OPRM1: variants seen among roughly 807,000 people sequenced by gnomAD.
OPRM1 encodes the protein mu-type opioid receptor.
In OPRM1, 27 loss-of-function variants were observed where a neutral mutation model predicts 31.8. That is an observed-to-expected ratio of 0.85 (90% CI 0.63 to 1.17). OPRM1 has a LOEUF of 1.17. Among genes scored for constraint, OPRM1 ranks in the 50% most tolerant of loss-of-function variants. The pLI is 0.00. For missense variants in OPRM1, 536 were observed against 511.1 expected (o/e 1.05, Z -0.47); for synonymous variants, 196 against 189.9 (o/e 1.03, Z -0.26).
In OPRM1 at chr6:154,091,250, G is replaced by A. The variant is rs1799975; in HGVS notation, c.942G>A (p.Thr314=). The A allele has an allele frequency of 1.8e-3, 2,909 of 1,614,130 alleles. 46 individuals carry two copies. The African/African-American group carries it at 0.032, about 18-fold the overall frequency. The change falls in exon 3 of 4, where the codon ACG becomes ACA. Residue 314 remains threonine, a synonymous_variant. Coordinates refer to ENST00000330432, the MANE Select transcript of OPRM1 (RefSeq NM_000914.5). ...CCTTGGTTACAATCCCAGAAACTAC[G>A]TTCCAGACTGTTTCTTGGCACTTCT... ...IKALVTIPET[T]FQTVSWHFCI... is the part of the protein sequence containing the mutation.
Position 154,118,818 on chromosome 6 carries a change from T to C in OPRM1, c.*97T>C, listed in dbSNP as rs1469241321. On this transcript the variant is annotated 3_prime_UTR_variant, in exon 4 of 4. Transcript: ENST00000330432. ...GAATGTGTAGGAGGCTCTAATTCTC[T>C]AGGAAAGTGCCTGCTTTTAGGTCAT... is the stretch of plus-strand genomic sequence containing the variant. 4 of 1,559,738 alleles carry C rather than the reference T, an allele frequency of 2.6e-6. No homozygotes were observed. Among genetic ancestry groups the C allele is most frequent in the Non-Finnish European group, 3.5e-6 (4 of 1,158,518 alleles).
intron 3 of OPRM1, among the ~76,000 whole-genome samples, chr6:154,191,899 T>C (rs1303049935): frequency 6.6e-6 from 1 of 152,134 alleles, no homozygotes; most frequent in Non-Finnish European, 1.5e-5. Context: ...AAAAGTGCTC[T>C]ACAAAGTTAA....
intron 3 of OPRM1, chr6:154,160,058 A>C: frequency 6.3e-7 from 1 of 1,578,884 alleles, no homozygotes; most frequent in South Asian, 1.1e-5. Context: ...AGTAGAAAAA[A>C]AGGGGAAGGG....
At chr6:154,207,754 A>AT (rs564261862) in intron 3 of OPRM1, among the ~76,000 whole-genome samples, 26 of 151,424 alleles carry the variant, frequency 1.7e-4, no homozygotes, top group Admixed American at 9.2e-4. Context: ...ATTTTAGCTG[A>AT]TTTTTTTTTC....
chr6:154,081,537 G>T (rs1231141584), intron 1 of OPRM1, among the ~76,000 whole-genome samples: 1 of 151,854 alleles, frequency 6.6e-6, no homozygotes, highest in African/African-American at 2.4e-5. Flanking sequence ...GAAAAGAAAA[G>T]AAAGCAAAGG....
At chr6:154,224,524 A>T (rs1366736094) in intron 3 of OPRM1, among the ~76,000 whole-genome samples, 1 of 152,120 alleles carries the variant, frequency 6.6e-6, no homozygotes, top group Admixed American at 6.6e-5. Flanking sequence ...CCCAGCCAAC[A>T]CGGTGAAACC....
intron 3 of OPRM1, among the ~76,000 whole-genome samples, chr6:154,146,570 T>C (rs781202704): frequency 6.6e-6 from 1 of 152,242 alleles, no homozygotes; most frequent in Non-Finnish European, 1.5e-5. Context: ...GTTGTGTGAT[T>C]GCTGGTGAAT....
chr6:154,071,511 C>T (rs990905724), intron 1 of OPRM1, among the ~76,000 whole-genome samples: 1 of 152,032 alleles, frequency 6.6e-6, no homozygotes. Context: ...ACTCTATTAT[C>T]CATGCTCACC....
chr6:154,151,271 G>C (rs1583658695), intron 3 of OPRM1, among the ~76,000 whole-genome samples: 1 of 152,226 alleles, frequency 6.6e-6, no homozygotes, highest in African/African-American at 2.4e-5. Flanking sequence ...TTTCAGAAGG[G>C]AGTGAGGGAA....
At chr6:154,244,346 G>A (rs967309961) in intron 3 of OPRM1, among the ~76,000 whole-genome samples, 1 of 151,724 alleles carries the variant, frequency 6.6e-6, no homozygotes, top group African/African-American at 2.4e-5. Flanking sequence ...GAGAGGAAGA[G>A]AGAGGGAGAA....
chr6:154,153,512 C>G (rs1176466942), intron 3 of OPRM1, among the ~76,000 whole-genome samples: 1 of 152,078 alleles, frequency 6.6e-6, no homozygotes, highest in East Asian at 1.9e-4. Context: ...GGCGAAGTCC[C>G]GTCTCTACTG....
chr6:154,199,582 C>A (rs1327199382), intron 3 of OPRM1: 5 of 1,385,598 alleles, frequency 3.6e-6, no homozygotes, highest in Non-Finnish European at 4.9e-6. Context: ...ATGAGTTTAA[C>A]CATTCTTGTT....
chr6:154,100,097 T>C lies in OPRM1; in HGVS notation c.1164+8625T>C, dbSNP rs1216266561. ...TATATCATATTATATATTATCATAT[T>C]ATGATATATATATTATATATTATCA... On this transcript the variant is annotated intron_variant, in intron 3 of 3. Transcript: ENST00000330432. Among the ~76,000 whole-genome samples, 7 of 58,432 alleles carry C rather than the reference T, an allele frequency of 1.2e-4. 1 individual carries two copies. In the South Asian group the frequency reaches 5.0e-3, roughly 42 times the overall value. 38.3% of individuals were successfully genotyped at this position (58,432 alleles called of 152,430 possible).
At chr6:154,046,518 T>C (rs1034653308) in intron 1 of OPRM1, among the ~76,000 whole-genome samples, 2 of 152,204 alleles carry the variant, frequency 1.3e-5, no homozygotes, top group African/African-American at 4.8e-5. Flanking sequence ...GTTAAGAGTA[T>C]CTTGTGATTA....
Position 154,127,832 on chromosome 6 carries a change from T to G in OPRM1, c.*9111T>G, listed in dbSNP as rs773391285. Reference sequence around the variant, plus strand: ...CAGAAAACAGGAAAATAACAAAGGCTTCCTGTAATTCTCTTTGGCTGTAAT... The same window carrying G: ...CAGAAAACAGGAAAATAACAAAGGCGTCCTGTAATTCTCTTTGGCTGTAAT... On this transcript the variant is annotated 3_prime_UTR_variant, in exon 4 of 4. Coordinates refer to ENST00000330432, the MANE Select transcript of OPRM1 (RefSeq NM_000914.5). 7.2e-5 allele frequency among the ~76,000 whole-genome samples: 11 copies of G among 152,202 alleles called. No individual in the cohort carries two copies. The highest frequency in any genetic ancestry group is 1.5e-4 in the Non-Finnish European group (10 of 68,046).
intron 1 of OPRM1, among the ~76,000 whole-genome samples, chr6:154,040,099 G>T (rs371656236): frequency 2.0e-5 from 3 of 152,080 alleles, no homozygotes; most frequent in Admixed American, 6.6e-5. Flanking sequence ...GTCTAGGGGT[G>T]GGGGGCGGAG....
In OPRM1 at chr6:154,053,560, G is replaced by C. The variant is rs559326869; in HGVS notation, c.290+13726G>C. ...TAGCTGGGTAAAAAGGAGTGCTAGGGTAGGCCAAGGTATTCTAAGGATGCT... is the reference window on the plus strand; with the variant it reads ...TAGCTGGGTAAAAAGGAGTGCTAGGCTAGGCCAAGGTATTCTAAGGATGCT... On this transcript the variant is annotated intron_variant, in intron 1 of 3. Transcript: ENST00000330432. Among the ~76,000 whole-genome samples, 77 of 152,308 alleles carry C rather than the reference G, an allele frequency of 5.1e-4. 1 individual carries two copies. The highest frequency in any genetic ancestry group is 1.2e-3 in the South Asian group (6 of 4,830).
chr6:154,037,869 T>C (rs376604669), upstream of OPRM1, among the ~76,000 whole-genome samples: 5 of 152,266 alleles, frequency 3.3e-5, no homozygotes, highest in South Asian at 6.2e-4. Context: ...CAGGAATTAT[T>C]ATACTGTGTC....
At chr6:154,087,401 C>T in intron 1 of OPRM1, 1 of 985,452 alleles carries the variant, frequency 1.0e-6, no homozygotes, top group Non-Finnish European at 1.2e-6. Flanking sequence ...GACGGAAAAA[C>T]AGTAAACACA....
Sources: gnomAD v4.1 joint callset for allele counts (sites outside exome capture counted in the v4.1 genomes callset) on GRCh38, gnomAD v4.1.1 for gene constraint, MANE v1.5 for transcripts, NCBI Gene and HGNC (gene_info 2026-07-23, HGNC 2026-07-21) for gene names.